The following TASP1 variants were observed in gnomAD, a reference collection of about 807,000 sequenced individuals.
TASP1 encodes threonine aspartase 1.
In TASP1, 16 loss-of-function variants were observed where a neutral mutation model predicts 56.6. The observed-to-expected ratio is 0.28, with a 90% CI of 0.19 to 0.43. The LOEUF (loss-of-function observed/expected upper bound fraction) is 0.43. Among genes scored for constraint, TASP1 ranks in the 20% least tolerant of loss-of-function variants. TASP1 has a pLI of 1.00. For missense variants in TASP1, 393 were observed against 511.6 expected, an observed-to-expected ratio of 0.77 and a Z score of 2.24; for synonymous variants, 179 against 184.2, an observed-to-expected ratio of 0.97 and a Z score of 0.23.
chr20:13,244,425 A>G, the TASP1 span: 1 of 152,164 alleles, frequency 6.6e-6, no homozygotes, highest in Non-Finnish European at 1.5e-5. Context: ...ATGAAAATAT[A>G]TAGTGGTCAC....
intron 11 of TASP1, among the ~76,000 whole-genome samples, chr20:13,440,409 G>A (rs1005106656): frequency 6.6e-6 from 1 of 152,172 alleles, no homozygotes; most frequent in Non-Finnish European, 1.5e-5. Flanking sequence ...CAAGCTGAGA[G>A]AGCAAACTGT....
chr20:13,375,004 T>C, the TASP1 span, among the ~76,000 whole-genome samples: 1 of 152,208 alleles, frequency 6.6e-6, no homozygotes, highest in Non-Finnish European at 1.5e-5. Context: ...TTCTATTGTT[T>C]TGGAAAATGC....
chr20:13,119,399 C>G, the TASP1 span, among the ~76,000 whole-genome samples: 1 of 152,184 alleles, frequency 6.6e-6, no homozygotes, highest in East Asian at 1.9e-4. Context: ...CTCTCTCATG[C>G]TCTCCATTCT....
chr20:13,473,464 T>C (rs2044600013), intron 11 of TASP1, among the ~76,000 whole-genome samples: 1 of 152,118 alleles, frequency 6.6e-6, no homozygotes, highest in Non-Finnish European at 1.5e-5. Context: ...TGTGCACATG[T>C]ACCCTAGAAC....
At chr20:13,550,663 T>G (rs978763289) in intron 8 of TASP1, among the ~76,000 whole-genome samples, 1 of 152,126 alleles carries the variant, frequency 6.6e-6, no homozygotes, top group East Asian at 1.9e-4. Context: ...CTCCAGACCA[T>G]GCAAAGTCAA....
chr20:13,516,969 T>C (rs1261647517), intron 10 of TASP1, among the ~76,000 whole-genome samples: 1 of 151,864 alleles, frequency 6.6e-6, no homozygotes, highest in African/African-American at 2.4e-5. Context: ...ACTGGTTTTG[T>C]TGAGATTTGG....
the TASP1 span, among the ~76,000 whole-genome samples, chr20:13,355,555 T>A: frequency 6.6e-6 from 1 of 152,216 alleles, no homozygotes. Context: ...AGGTGAGATG[T>A]TTATTTTCCA....
the TASP1 span, among the ~76,000 whole-genome samples, chr20:13,302,195 A>G: frequency 1.3e-5 from 2 of 152,214 alleles, no homozygotes; most frequent in Non-Finnish European, 1.5e-5. Context: ...AATGTGAGCC[A>G]TGCTGTCCAT....
chr20:13,105,198 C>T, the TASP1 span, among the ~76,000 whole-genome samples: 1 of 152,014 alleles, frequency 6.6e-6, no homozygotes, highest in Non-Finnish European at 1.5e-5. Context: ...CCAGGCCGAG[C>T]GCAGTCTTCC....
intron 2 of TASP1, among the ~76,000 whole-genome samples, chr20:13,625,675 G>A (rs2048863199): frequency 6.6e-6 from 1 of 152,186 alleles, no homozygotes; most frequent in Non-Finnish European, 1.5e-5. Context: ...GAATTCATAA[G>A]AGTAATTCAG....
chr20:13,420,877 G>A (rs960431480), intron 12 of TASP1, among the ~76,000 whole-genome samples: 7 of 152,074 alleles, frequency 4.6e-5, no homozygotes, highest in Admixed American at 3.9e-4. Context: ...ATATTACTCT[G>A]AAATCTACTC....
intron 11 of TASP1, among the ~76,000 whole-genome samples, chr20:13,473,823 A>C (rs556312986): frequency 2.6e-5 from 4 of 152,270 alleles, no homozygotes; most frequent in African/African-American, 9.6e-5. Context: ...CTGTAATCCC[A>C]GCATTTTGGG....
chr20:13,127,612 T>C, the TASP1 span, among the ~76,000 whole-genome samples: 1 of 152,174 alleles, frequency 6.6e-6, no homozygotes, highest in Non-Finnish European at 1.5e-5. Flanking sequence ...GCCTACTATA[T>C]AAAACAGATA....
chr20:13,164,805 C>A, the TASP1 span: 1 of 1,613,770 alleles, frequency 6.2e-7, no homozygotes, highest in African/African-American at 1.3e-5. Context: ...GAAATATTCC[C>A]GGCACAAGAA....
At chr20:13,535,351 C>A (rs766454314) in intron 8 of TASP1, among the ~76,000 whole-genome samples, 2 of 152,146 alleles carry the variant, frequency 1.3e-5, no homozygotes, top group Non-Finnish European at 2.9e-5. Context: ...GTAGAGTGTG[C>A]CACAACAAAA....
chr20:13,434,470 G>A (rs977921359), intron 12 of TASP1, among the ~76,000 whole-genome samples: 5 of 152,162 alleles, frequency 3.3e-5, no homozygotes, highest in African/African-American at 1.2e-4. Context: ...CACACATCTG[G>A]ATGGAAATCT....
At chr20:13,435,996 C>T (rs1407404238) in intron 11 of TASP1, among the ~76,000 whole-genome samples, 28 of 151,898 alleles carry the variant, frequency 1.8e-4, no homozygotes, top group Non-Finnish European at 4.4e-5. Flanking sequence ...AGCCATAGCC[C>T]AATAAGGGCA....
the TASP1 span, among the ~76,000 whole-genome samples, chr20:13,257,287 GGAGGATCATCT>G: frequency 2.0e-5 from 3 of 152,190 alleles, no homozygotes; most frequent in Admixed American, 1.3e-4. Context: ...GACCAAAGTG[GGAGGATCATCT>G]GAGGTCAGGA....
At chr20:13,329,755 T>C in the TASP1 span, among the ~76,000 whole-genome samples, 1 of 152,122 alleles carries the variant, frequency 6.6e-6, no homozygotes, top group Non-Finnish European at 1.5e-5. Context: ...TTGACATGTC[T>C]TTTATTTCTT....
Sources: allele counts gnomAD v4.1 joint callset (sites outside exome capture counted in the v4.1 genomes callset), GRCh38; gene constraint gnomAD v4.1.1; transcripts MANE v1.5; gene names NCBI Gene and HGNC (gene_info 2026-07-23, HGNC 2026-07-21).